The following PHACTR1 variants were observed in gnomAD, a reference collection of about 807,000 sequenced individuals.
PHACTR1 encodes the protein RPEL repeat containing 1.
PHACTR1 carries 16 observed loss-of-function variants against 69.2 expected under a neutral mutation model. The observed-to-expected ratio is 0.23, with a 90% confidence interval of 0.16 to 0.35. The LOEUF (loss-of-function observed/expected upper bound fraction) is 0.35. PHACTR1 is among the 10% of genes least tolerant of loss of function. The probability of loss-of-function intolerance (pLI) is 1.00; values close to 1 mark genes in which losing one functional copy is unlikely to be tolerated. For synonymous variants in PHACTR1, 312 were observed against 284.5 expected (o/e 1.10, Z -0.97); for missense variants, 510 against 734.7 (o/e 0.69, Z 3.54).
At chr6:13,050,518 C>G (rs1805784454) in intron 4 of PHACTR1, among the ~76,000 whole-genome samples, 2 of 152,148 alleles carry the variant, frequency 1.3e-5, no homozygotes, top group South Asian at 4.1e-4. Context: ...CTTCGCCTTC[C>G]TAAGAACCAT....
chr6:12,965,748 T>C (rs1019866069), intron 4 of PHACTR1, among the ~76,000 whole-genome samples: 3 of 152,136 alleles, frequency 2.0e-5, no homozygotes, highest in Non-Finnish European at 4.4e-5. Flanking sequence ...CACGGAGACG[T>C]CACCTTGCAT....
At chr6:13,022,089 G>T (rs966663486) in intron 4 of PHACTR1, among the ~76,000 whole-genome samples, 33 of 152,232 alleles carry the variant, frequency 2.2e-4, no homozygotes, top group Non-Finnish European at 2.4e-4. Flanking sequence ...AACCTCTGAG[G>T]AGTGACTGTT....
chr6:13,057,536 G>T (rs948242733), intron 5 of PHACTR1, among the ~76,000 whole-genome samples: 1 of 152,090 alleles, frequency 6.6e-6, no homozygotes, highest in Non-Finnish European at 1.5e-5. Context: ...TTTATAATTT[G>T]CCATGATTAG....
intron 10 of PHACTR1, among the ~76,000 whole-genome samples, chr6:13,248,508 C>T (rs1052996942): frequency 3.9e-5 from 6 of 152,122 alleles, no homozygotes; most frequent in Admixed American, 1.3e-4. Context: ...CTTGAAAACT[C>T]GTCATTTCTA....
intron 5 of PHACTR1, among the ~76,000 whole-genome samples, chr6:13,081,856 A>G (rs1333967732): frequency 2.0e-5 from 3 of 152,130 alleles, no homozygotes; most frequent in Admixed American, 6.6e-5. Flanking sequence ...AGTCAAAGGG[A>G]AGCGTGGTTT....
chr6:13,109,297 CTT>C (rs1816645323), intron 5 of PHACTR1, among the ~76,000 whole-genome samples: 1 of 152,038 alleles, frequency 6.6e-6, no homozygotes, highest in East Asian at 1.9e-4. Flanking sequence ...CCCTAAAAAT[CTT>C]CCTCTAATAT....
At chr6:12,732,255 T>C (rs1443358332) in intron 3 of PHACTR1, among the ~76,000 whole-genome samples, 1 of 152,184 alleles carries the variant, frequency 6.6e-6, no homozygotes, top group Non-Finnish European at 1.5e-5. Context: ...TAGGTATTCT[T>C]TACAACCTGG....
intron 4 of PHACTR1, among the ~76,000 whole-genome samples, chr6:12,929,651 T>A (rs116357061): frequency 3.9e-5 from 6 of 152,170 alleles, no homozygotes; most frequent in Non-Finnish European, 8.8e-5. Flanking sequence ...ACCACTTCAA[T>A]AGCTGCCAAT....
intron 8 of PHACTR1, among the ~76,000 whole-genome samples, chr6:13,221,398 C>T (rs1333240356): frequency 1.7e-5 from 2 of 119,880 alleles, no homozygotes; most frequent in South Asian, 5.9e-4. Flanking sequence ...ATGATCAGAC[C>T]AGTTTGACAG....
intron 4 of PHACTR1, among the ~76,000 whole-genome samples, chr6:12,843,903 C>A (rs895575488): frequency 1.1e-4 from 17 of 152,138 alleles, no homozygotes; most frequent in African/African-American, 4.1e-4. Context: ...TTCTTTGCAT[C>A]GATGGAGTGC....
intron 4 of PHACTR1, among the ~76,000 whole-genome samples, chr6:13,047,246 T>C (rs1477768581): frequency 6.6e-6 from 1 of 151,810 alleles, no homozygotes; most frequent in Non-Finnish European, 1.5e-5. Context: ...AGTGTGGTAG[T>C]GCACGCCTGT....
chr6:12,992,205 C>G (rs1439075144), intron 4 of PHACTR1, among the ~76,000 whole-genome samples: 3 of 152,190 alleles, frequency 2.0e-5, no homozygotes, highest in Non-Finnish European at 4.4e-5. Flanking sequence ...GTTTCCTCCT[C>G]TTACACTGTA....
At chr6:12,912,515 A>C (rs1035912537) in intron 4 of PHACTR1, among the ~76,000 whole-genome samples, 1 of 152,236 alleles carries the variant, frequency 6.6e-6, no homozygotes, top group African/African-American at 2.4e-5. Flanking sequence ...GCTTGGTATA[A>C]AAGTAAACAT....
chr6:13,221,878 A>G (rs974694353), intron 8 of PHACTR1, among the ~76,000 whole-genome samples: 1 of 152,178 alleles, frequency 6.6e-6, no homozygotes, highest in Admixed American at 6.5e-5. Context: ...TCTACTAAAA[A>G]TATAATAATT....
At position 12,856,514 on chromosome 6, in the gene PHACTR1, C is replaced by G. The variant is rs1461005748; in HGVS notation, c.250+106724C>G. On this transcript the variant is annotated intron_variant, in intron 4 of 14. Transcript: ENST00000332995. ...CTAGTGATCCGTCCACCTCAGCCTT[C>G]CAAAGTGCTGGGATTACAGGCGTGA... Among the ~76,000 whole-genome samples, 5 of 152,270 alleles carry G rather than the reference C, an allele frequency of 3.3e-5. No individual in the cohort carries two copies. The East Asian group carries it at 9.7e-4, about 29-fold the overall frequency.
chr6:13,000,659 G>GT (rs1285278908), intron 4 of PHACTR1, among the ~76,000 whole-genome samples: 1 of 77,382 alleles, frequency 1.3e-5, no homozygotes, highest in Non-Finnish European at 2.4e-5. Flanking sequence ...GAGGGAGGAA[G>GT]GGGAAGGAAG....
At chr6:12,751,130 T>C (rs185736690) in intron 4 of PHACTR1, among the ~76,000 whole-genome samples, 188 of 152,350 alleles carry the variant, frequency 1.2e-3, no homozygotes, top group Non-Finnish European at 2.5e-4. Context: ...TAAGCAACCA[T>C]ACCCTTATGG....
intron 5 of PHACTR1, among the ~76,000 whole-genome samples, chr6:13,081,781 T>C (rs1811416768): frequency 6.6e-6 from 1 of 152,276 alleles, no homozygotes; most frequent in South Asian, 2.1e-4. Context: ...AGGCTATGAT[T>C]GTACCACTGC....
chr6:13,006,763 C>T (rs913809073), intron 4 of PHACTR1, among the ~76,000 whole-genome samples: 2 of 152,160 alleles, frequency 1.3e-5, no homozygotes, highest in African/African-American at 4.8e-5. Flanking sequence ...CATGACACAA[C>T]ACAAGTTCAT....
Sources: gnomAD v4.1 joint callset for allele counts (sites outside exome capture counted in the v4.1 genomes callset) on GRCh38, gnomAD v4.1.1 for gene constraint, MANE v1.5 for transcripts, NCBI Gene and HGNC (gene_info 2026-07-23, HGNC 2026-07-21) for gene names.